The following CPNE8 variants were observed in gnomAD, a reference collection of about 807,000 sequenced individuals.
The protein encoded by CPNE8 is copine-8.
CPNE8 carries 45 observed loss-of-function variants against 81.5 expected under a neutral mutation model. That is an observed-to-expected ratio of 0.55 (90% CI 0.44 to 0.71). CPNE8 has a LOEUF of 0.71. CPNE8 is among the 30% of genes least tolerant of loss of function. The pLI is 0.00. For synonymous variants in CPNE8, 252 were observed against 226.3 expected, an observed-to-expected ratio of 1.11 and a Z score of -1.02; for missense variants, 594 against 672.1, an observed-to-expected ratio of 0.88 and a Z score of 1.28.
chr12:38,853,869 A>T (rs564521060), intron 3 of CPNE8, among the ~76,000 whole-genome samples: 1 of 152,100 alleles, frequency 6.6e-6, no homozygotes, highest in Non-Finnish European at 1.5e-5. Context: ...AAGCAGATGA[A>T]CTATGTTTTG....
At chr12:38,799,278 T>G (rs539150048) in intron 6 of CPNE8, among the ~76,000 whole-genome samples, 1 of 152,202 alleles carries the variant, frequency 6.6e-6, no homozygotes, top group East Asian at 1.9e-4. Context: ...TATTCCAAAA[T>G]TGACCACATA....
At chr12:38,805,901 T>TA (rs1252117515) in intron 6 of CPNE8, among the ~76,000 whole-genome samples, 1 of 148,908 alleles carries the variant, frequency 6.7e-6, no homozygotes, top group Non-Finnish European at 1.5e-5. Context: ...ATAGACACAA[T>TA]AAAAAATGAT....
chr12:38,663,219 A>G (rs1488521131), intron 19 of CPNE8, among the ~76,000 whole-genome samples: 26 of 152,158 alleles, frequency 1.7e-4, no homozygotes, highest in Admixed American at 1.7e-3. Flanking sequence ...TCATCTAATA[A>G]GGGATTAATA....
intron 19 of CPNE8, among the ~76,000 whole-genome samples, chr12:38,655,412 T>C (rs944055803): frequency 1.3e-5 from 2 of 152,124 alleles, no homozygotes; most frequent in African/African-American, 4.8e-5. Flanking sequence ...ACTGTGAATG[T>C]TGTGATAATT....
At chr12:38,695,897 T>G (rs1386644344) in intron 14 of CPNE8, among the ~76,000 whole-genome samples, 1 of 151,984 alleles carries the variant, frequency 6.6e-6, no homozygotes, top group Non-Finnish European at 1.5e-5. Flanking sequence ...CCCCTGATAG[T>G]GTCACTGTAC....
intron 10 of CPNE8, among the ~76,000 whole-genome samples, chr12:38,739,661 A>G (rs1941043786): frequency 6.6e-6 from 1 of 152,182 alleles, no homozygotes; most frequent in Admixed American, 6.5e-5. Flanking sequence ...ACCATAAAAT[A>G]CCTTTTCCTA....
chr12:38,799,680 C>T (rs1184119304), intron 6 of CPNE8, among the ~76,000 whole-genome samples: 10 of 152,008 alleles, frequency 6.6e-5, no homozygotes, highest in South Asian at 2.1e-4. Flanking sequence ...GGAACAGCTC[C>T]GGTCTACAGC....
intron 6 of CPNE8, among the ~76,000 whole-genome samples, chr12:38,786,243 T>C (rs973422960): frequency 2.6e-5 from 4 of 152,154 alleles, no homozygotes; most frequent in Non-Finnish European, 5.9e-5. Context: ...TAATACTGAG[T>C]GTCAACTTGA....
intron 3 of CPNE8, among the ~76,000 whole-genome samples, chr12:38,872,784 A>C (rs148425383): frequency 1.1e-3 from 174 of 152,332 alleles, no homozygotes; most frequent in African/African-American, 3.9e-3. Flanking sequence ...AAGGAAGTAC[A>C]AGTTTCAGGA....
chr12:38,730,440 T>A, intron 10 of CPNE8, 82 bp from the exon 11 acceptor site: 1 of 693,490 alleles, frequency 1.4e-6, no homozygotes, highest in Non-Finnish European at 2.4e-6. Context: ...AAAGGTTTAA[T>A]CATTATCAAA....
intron 6 of CPNE8, among the ~76,000 whole-genome samples, chr12:38,811,506 T>A (rs1479148377): frequency 6.6e-6 from 1 of 152,196 alleles, no homozygotes; most frequent in Non-Finnish European, 1.5e-5. Flanking sequence ...TTCAGTTATA[T>A]AAATTAAGAA....
At chr12:38,841,263 C>T (rs1023543993) in intron 4 of CPNE8, among the ~76,000 whole-genome samples, 2 of 152,140 alleles carry the variant, frequency 1.3e-5, no homozygotes, top group African/African-American at 2.4e-5. Context: ...CTTAGCATTA[C>T]TCCAAGTGAT....
At chr12:38,813,150 G>A (rs1380389780) in intron 6 of CPNE8, among the ~76,000 whole-genome samples, 1 of 152,124 alleles carries the variant, frequency 6.6e-6, no homozygotes, top group Admixed American at 6.6e-5. Flanking sequence ...AAGAATTGGA[G>A]GATTTCAAAC....
At chr12:38,690,596 A>G (rs992001848) in intron 15 of CPNE8, among the ~76,000 whole-genome samples, 1 of 152,166 alleles carries the variant, frequency 6.6e-6, no homozygotes, top group African/African-American at 2.4e-5. Flanking sequence ...CCAAAAATAT[A>G]TATCATTCCT....
intron 6 of CPNE8, among the ~76,000 whole-genome samples, chr12:38,820,522 A>G (rs7136317): frequency 0.021 from 3,229 of 152,306 alleles, 109 homozygotes; most frequent in African/African-American, 0.072. Context: ...AACAAGCTTT[A>G]TTAGTTTTAT....
intron 8 of CPNE8, among the ~76,000 whole-genome samples, chr12:38,764,892 CAGAG>C (rs974411041): frequency 6.6e-6 from 1 of 151,704 alleles, no homozygotes; most frequent in Admixed American, 6.6e-5. Context: ...AAAAGAGAGA[CAGAG>C]AGAGAGACTA....
rs1450297849 is a variant in CPNE8, at chr12:38,659,158, A to G, written c.1507-5088T>C. 2.0e-5 allele frequency among the ~76,000 whole-genome samples: 3 copies of G among 151,898 alleles called. 1 individual carries two copies. Among genetic ancestry groups the G allele is most frequent in the South Asian group, 2.1e-4 (1 of 4,798 alleles). ...CCTGTACTCAGGAGACCAATCTCAC[A>G]TGCAGAGACACACATAGGCTCAAAA... On this transcript the variant is annotated intron_variant, in intron 19 of 19. Transcript: ENST00000331366.
chr12:38,773,893 A>T (rs1941863851), intron 7 of CPNE8, among the ~76,000 whole-genome samples: 1 of 152,136 alleles, frequency 6.6e-6, no homozygotes, highest in Non-Finnish European at 1.5e-5. Flanking sequence ...CAATAAGGCT[A>T]TAGCCAGGAA....
intron 3 of CPNE8, among the ~76,000 whole-genome samples, chr12:38,859,414 A>G (rs1943796395): frequency 6.6e-6 from 1 of 152,122 alleles, no homozygotes; most frequent in Admixed American, 6.5e-5. Flanking sequence ...AACACAAAGC[A>G]TGAATGAAAT....
Sources: allele counts gnomAD v4.1 joint callset (sites outside exome capture counted in the v4.1 genomes callset), GRCh38; gene constraint gnomAD v4.1.1; transcripts MANE v1.5; gene names NCBI Gene and HGNC (gene_info 2026-07-23, HGNC 2026-07-21).